PTPRD: variants seen among roughly 807,000 people sequenced by gnomAD.
PTPRD encodes protein tyrosine phosphatase receptor type D.
Under a neutral mutation model 214.5 loss-of-function variants are expected in PTPRD, and 34 were observed. The observed-to-expected ratio is 0.16, with a 90% CI of 0.12 to 0.21. The LOEUF (loss-of-function observed/expected upper bound fraction) is 0.21. Ranked by LOEUF, PTPRD falls within the 10% of genes least tolerant of loss-of-function variation. The pLI is 1.00. For missense variants in PTPRD, 2,545 were observed against 2,398.7 expected, an observed-to-expected ratio of 1.06 and a Z score of -1.27; for synonymous variants, 1,128 against 845.7, an observed-to-expected ratio of 1.33 and a Z score of -5.79.
chr9:9,567,692 C>A (rs1288036967), intron 8 of PTPRD, among the ~76,000 whole-genome samples: 2 of 151,992 alleles, frequency 1.3e-5, no homozygotes, highest in Non-Finnish European at 2.9e-5. Flanking sequence ...TTTTCTGCTT[C>A]TTAAGGGAAC....
In PTPRD at chr9:8,568,708, GTCAA is replaced by G. The variant is rs887811873; in HGVS notation, c.353-39933_353-39930del. Among the ~76,000 whole-genome samples the G allele has an allele frequency of 7.1e-4, 108 of 152,022 alleles. 1 individual carries two copies. The highest frequency in any genetic ancestry group is 4.7e-3 in the Admixed American group (71 of 15,238). On this transcript the variant is annotated intron_variant, in intron 14 of 45. Transcript: ENST00000381196. ...AATTCTACTGATTTTTGAATCAAAA[GTCAA>G]ATAAAAACCTCCAGTATAAACCTGA...
intron 12 of PTPRD, among the ~76,000 whole-genome samples, chr9:8,686,407 T>C (rs7037004): frequency 1 from 152,277 of 152,286 alleles, 76,134 homozygotes; most frequent in Middle Eastern, 1. Context: ...AAATTCTCCA[T>C]GTTTAGGTCC....
At chr9:10,363,922 A>C (rs116517152) in intron 2 of PTPRD, among the ~76,000 whole-genome samples, 1 of 146,620 alleles carries the variant, frequency 6.8e-6, no homozygotes, top group Non-Finnish European at 1.5e-5. Context: ...TATTATAGGA[A>C]TTTTTTTTGC....
chr9:8,330,339 G>T (rs750360348), intron 44 of PTPRD, among the ~76,000 whole-genome samples: 4 of 152,022 alleles, frequency 2.6e-5, no homozygotes, highest in African/African-American at 4.8e-5. Flanking sequence ...TAAGTACATT[G>T]TTGTTTGTTT....
intron 7 of PTPRD, among the ~76,000 whole-genome samples, chr9:9,716,377 G>A (rs1444664683): frequency 6.6e-6 from 1 of 151,668 alleles, no homozygotes; most frequent in African/African-American, 2.4e-5. Flanking sequence ...CCAGTAATGG[G>A]ATGGCTGGGT....
intron 11 of PTPRD, among the ~76,000 whole-genome samples, chr9:8,761,831 G>T (rs1279515402): frequency 1.3e-5 from 2 of 152,126 alleles, no homozygotes; most frequent in Admixed American, 1.3e-4. Flanking sequence ...GTGGAAGAAG[G>T]AAGATGAGAT....
chr9:9,655,541 C>G (rs950048872), intron 7 of PTPRD, among the ~76,000 whole-genome samples: 1 of 151,784 alleles, frequency 6.6e-6, no homozygotes, highest in Non-Finnish European at 1.5e-5. Context: ...TGCACTCCAG[C>G]CTGGGTGATA....
intron 7 of PTPRD, among the ~76,000 whole-genome samples, chr9:9,603,027 A>C (rs577019981): frequency 6.6e-6 from 1 of 152,272 alleles, no homozygotes; most frequent in Non-Finnish European, 1.5e-5. Context: ...AAGAAAAAAA[A>C]AGACTAGTTC....
At chr9:10,466,254 G>A (rs546350283) in intron 2 of PTPRD, among the ~76,000 whole-genome samples, 270 of 152,234 alleles carry the variant, frequency 1.8e-3, no homozygotes, top group African/African-American at 5.8e-3. Flanking sequence ...TTATACTAGC[G>A]AAATAATGGA....
intron 10 of PTPRD, among the ~76,000 whole-genome samples, chr9:9,164,307 C>T (rs2099897073): frequency 6.6e-6 from 1 of 152,152 alleles, no homozygotes. Flanking sequence ...CCATCTTTAA[C>T]TTTCTGTCTT....
intron 2 of PTPRD, among the ~76,000 whole-genome samples, chr9:10,481,828 T>C (rs571762906): frequency 2.0e-5 from 3 of 152,298 alleles, no homozygotes; most frequent in South Asian, 4.1e-4. Context: ...TAACTACATA[T>C]ATTTTCTCAT....
intron 11 of PTPRD, among the ~76,000 whole-genome samples, chr9:8,736,672 A>T (rs2090484830): frequency 6.6e-6 from 1 of 152,138 alleles, no homozygotes; most frequent in Non-Finnish European, 1.5e-5. Context: ...AAAGGAGAGG[A>T]ATCACTCTAC....
intron 44 of PTPRD, among the ~76,000 whole-genome samples, chr9:8,321,487 G>GTA (rs750825729): frequency 0.038 from 1,689 of 44,314 alleles, 41 homozygotes; most frequent in East Asian, 0.085. Flanking sequence ...GTGTGTGTGT[G>GTA]TATATATATA....
intron 8 of PTPRD, among the ~76,000 whole-genome samples, chr9:9,458,279 T>C (rs1157739228): frequency 6.6e-6 from 1 of 152,074 alleles, no homozygotes; most frequent in African/African-American, 2.4e-5. Context: ...TTTCACTTCA[T>C]ATGTTCATTA....
At chr9:9,812,232 A>C (rs147093650) in intron 5 of PTPRD, among the ~76,000 whole-genome samples, 1 of 152,292 alleles carries the variant, frequency 6.6e-6, no homozygotes, top group East Asian at 1.9e-4. Context: ...ATTTTGTATC[A>C]CTCACTTCAT....
chr9:10,496,031 AATT>A (rs1238290821), intron 2 of PTPRD, among the ~76,000 whole-genome samples: 8 of 151,822 alleles, frequency 5.3e-5, no homozygotes, highest in African/African-American at 1.9e-4. Flanking sequence ...AATATTTTTA[AATT>A]ATTGTATTAT....
chr9:9,748,433 A>G (rs1564953048), intron 6 of PTPRD, among the ~76,000 whole-genome samples: 1 of 152,238 alleles, frequency 6.6e-6, no homozygotes, highest in Non-Finnish European at 1.5e-5. Context: ...ACAGTTCAGA[A>G]ACCAAGATCA....
At position 8,846,803 on chromosome 9, in the gene PTPRD, C is replaced by T. The variant is rs72704323; in HGVS notation, c.-103-112857G>A. ...GCAAGAGACAAAGCAGAGGAAAGGA[C>T]ATCAAAGGCCAGGTGCCTTTTGGTA... On this transcript the variant is annotated intron_variant, in intron 11 of 45. Transcript: ENST00000381196. Among the ~76,000 whole-genome samples, 226 of 152,250 alleles carry T rather than the reference C, an allele frequency of 1.5e-3. 1 individual carries two copies. Among genetic ancestry groups the T allele is most frequent in the Non-Finnish European group, 2.7e-3 (181 of 68,020 alleles).
intron 9 of PTPRD, among the ~76,000 whole-genome samples, chr9:9,313,148 A>C (rs1264071948): frequency 6.6e-6 from 1 of 152,112 alleles, no homozygotes; most frequent in African/African-American, 2.4e-5. Context: ...CTCTATCTCA[A>C]TTAGCCTATG....
Sources: allele counts gnomAD v4.1 joint callset (sites outside exome capture counted in the v4.1 genomes callset), GRCh38; gene constraint gnomAD v4.1.1; transcripts MANE v1.5; gene names NCBI Gene and HGNC (gene_info 2026-07-23, HGNC 2026-07-21).